GPR4: variants seen among roughly 807,000 people sequenced by gnomAD.
GPR4 encodes G-prodeshotein coupled receptor 4.
Under a neutral mutation model 17.8 loss-of-function variants are expected in GPR4, and 11 were observed. The ratio of observed to expected loss-of-function variants is 0.62; its 90% CI spans 0.39 to 1.02. The LOEUF is 1.02. GPR4 is among the 50% of genes least tolerant of loss of function. The pLI is 0.00. For missense variants in GPR4, 364 were observed against 495.4 expected (o/e 0.73, Z 2.52); for synonymous variants, 219 against 222.8 (o/e 0.98, Z 0.15).
At chr19:45,596,203 CTTTTT>C (rs56044839) in intron 1 of GPR4, among the ~76,000 whole-genome samples, 1 of 132,716 alleles carries the variant, frequency 7.5e-6, no homozygotes, top group Admixed American at 7.8e-5. Flanking sequence ...TTCTTTTCTT[CTTTTT>C]TTTTTTTTTT....
At position 45,591,732 on chromosome 19, in the gene GPR4, C is replaced by T. The variant is rs1297442316; in HGVS notation, c.135G>A (p.Gln45=). ...CGCCCAGCTCGTTGCGCTGTTGCACCTGGCGGTAGGCCGCCCACAGAGCCA... is the reference window on the plus strand; with the variant it reads ...CGCCCAGCTCGTTGCGCTGTTGCACTTGGCGGTAGGCCGCCCACAGAGCCA... ...NCLALWAAYR[Q]VQQRNELGVY... is the part of the protein sequence containing the mutation. Residue 45 remains glutamine (Q), a synonymous_variant, in exon 2 of 2, where the codon CAG becomes CAA. Transcript: ENST00000323040. This position sits in a 1 kb window ranked among gnomAD's most constrained non-coding sequence, Gnocchi z 7.6. 1.2e-6 allele frequency: 2 copies of T among 1,613,898 alleles called. No individual in the cohort carries two copies. The highest frequency in any genetic ancestry group is 8.5e-7 in the Non-Finnish European group (1 of 1,179,982).
intron 1 of GPR4, among the ~76,000 whole-genome samples, chr19:45,597,445 G>A (rs1600024507): frequency 6.6e-6 from 1 of 152,006 alleles, no homozygotes; most frequent in Non-Finnish European, 1.5e-5. Flanking sequence ...ACTCTCCCCT[G>A]CCCCAGGACC....
intron 1 of GPR4, among the ~76,000 whole-genome samples, chr19:45,600,134 G>C (rs1451045568): frequency 1.3e-5 from 2 of 152,220 alleles, no homozygotes; most frequent in Admixed American, 1.3e-4. Context: ...GGAGGGAAGA[G>C]AGGGGCGTGT....
intron 1 of GPR4, among the ~76,000 whole-genome samples, chr19:45,599,495 G>A (rs1023063736): frequency 7.3e-5 from 11 of 150,506 alleles, no homozygotes; most frequent in Admixed American, 5.3e-4. Flanking sequence ...CATTAGGGAC[G>A]AAATGTGATC....
Position 45,591,357 on chromosome 19 carries a change from C to T in GPR4, c.510G>A (p.Glu170=). ...RDRYNHTFCF[E]KFPMEGWVAW... ...CCACCCAGCCTTCCATGGGGAACTT[C>T]TCAAAGCAGAAGGTGTGGTTGTAGC... Residue 170 remains glutamate (E), a synonymous_variant, in exon 2 of 2, where the codon GAG becomes GAA. Transcript: ENST00000323040. The surrounding 1 kb of genome is among the most constrained non-coding windows in gnomAD (Gnocchi z 7.6). 1 of 1,613,392 alleles carries T rather than the reference C, an allele frequency of 6.2e-7. No homozygotes were observed. Among genetic ancestry groups the T allele is most frequent in the Non-Finnish European group, 8.5e-7 (1 of 1,179,944 alleles).
At chr19:45,594,680 C>T (rs1970039154) in intron 1 of GPR4, among the ~76,000 whole-genome samples, 1 of 152,156 alleles carries the variant, frequency 6.6e-6, no homozygotes, top group South Asian at 2.1e-4. Flanking sequence ...GCTTCAGTTT[C>T]CACCCCAGAA....
rs368199666 is a variant in GPR4 at position 45,597,745 on chromosome 19, G to A, written c.-832+4350C>T. On this transcript the variant is annotated intron_variant, in intron 1 of 1. Coordinates refer to ENST00000323040, the MANE Select transcript of GPR4 (RefSeq NM_005282.3). ...CCACCCCAGGCTCAAACAAGGGCAT[G>A]GGGAGGAGGGGGAAGGGAGGGAGAG... Among the ~76,000 whole-genome samples, 17 of 152,000 alleles carry A rather than the reference G, an allele frequency of 1.1e-4. No individual in the cohort carries two copies. In the East Asian group the frequency reaches 2.1e-3, roughly 19 times the overall value.
intron 1 of GPR4, among the ~76,000 whole-genome samples, chr19:45,594,063 A>AAAATAT (rs1376607021): frequency 2.5e-4 from 9 of 36,242 alleles, no homozygotes; most frequent in East Asian, 6.3e-4. Context: ...AAAAAAAAAA[A>AAAATAT]ATATATATAT....
chr19:45,590,123 C>G lies in GPR4; in HGVS notation c.*655G>C, dbSNP rs1969973786. ...CAGGGGCTTTGCAAACATAATGACT[C>G]TATATCGGCTGCATTTCTCCTTCCA... On this transcript the variant is annotated 3_prime_UTR_variant, in exon 2 of 2. Coordinates refer to ENST00000323040, the MANE Select transcript of GPR4 (RefSeq NM_005282.3). The G allele has an allele frequency of 6.6e-6, 1 of 152,084 alleles. No individual in the cohort carries two copies. The highest frequency in any genetic ancestry group is 2.4e-5 in the African/African-American group (1 of 41,386). 9.4% of individuals were successfully genotyped at this position (152,084 alleles called of 1,614,324 possible).
intron 1 of GPR4, among the ~76,000 whole-genome samples, chr19:45,594,066 ATATAT>A (rs1568417203): frequency 0.014 from 472 of 32,564 alleles, 11 homozygotes; most frequent in Admixed American, 0.068. Context: ...AAAAAAAAAT[ATATAT>A]ATATATATAT....
At chr19:45,594,074 A>ATTTTT (rs1204864132) in intron 1 of GPR4, among the ~76,000 whole-genome samples, 1 of 83,800 alleles carries the variant, frequency 1.2e-5, no homozygotes, top group African/African-American at 8.2e-5. Context: ...ATATATATAT[A>ATTTTT]TATATATATA....
At chr19:45,593,212 A>AC (rs1970016679) in intron 1 of GPR4, among the ~76,000 whole-genome samples, 1 of 150,262 alleles carries the variant, frequency 6.7e-6, no homozygotes, top group African/African-American at 2.5e-5. Flanking sequence ...AAAAAAAAAA[A>AC]AAAAAAGGTA....
intron 1 of GPR4, among the ~76,000 whole-genome samples, chr19:45,593,951 C>T (rs1397239268): frequency 1.3e-5 from 2 of 148,886 alleles, no homozygotes; most frequent in African/African-American, 5.0e-5. Context: ...ACGATCACAG[C>T]TCACAGCAGC....
Position 45,592,588 on chromosome 19 carries a change from A to C in GPR4, c.-722T>G, listed in dbSNP as rs967428725. On this transcript the variant is annotated 5_prime_UTR_variant, in exon 2 of 2. Transcript: ENST00000323040. ...GTGAGTAAGGTCTAGATCAGAGGTA[A>C]GTTTGGGGACGGAAGGGAAATTTCA... 2 of 167,204 alleles carry C rather than the reference A, an allele frequency of 1.2e-5. No individual in the cohort carries two copies. Among genetic ancestry groups the C allele is most frequent in the African/African-American group, 2.4e-5 (1 of 41,378 alleles). The allele number at this position is 167,204 out of a possible 1,614,324, so 10.4% of individuals were successfully genotyped here.
intron 1 of GPR4, among the ~76,000 whole-genome samples, chr19:45,599,179 G>T (rs1015634677): frequency 6.6e-6 from 1 of 152,146 alleles, no homozygotes; most frequent in African/African-American, 2.4e-5. Context: ...GAGAGATGGT[G>T]GGGGGACAGG....
intron 1 of GPR4, among the ~76,000 whole-genome samples, chr19:45,596,146 G>T (rs888190529): frequency 6.6e-6 from 1 of 151,930 alleles, no homozygotes; most frequent in African/African-American, 2.4e-5. Flanking sequence ...GGCTACTCTG[G>T]CTTCCTTCAA....
At chr19:45,594,061 AAAATAT>A (rs71173185) in intron 1 of GPR4, among the ~76,000 whole-genome samples, 5,597 of 39,406 alleles carry the variant, frequency 0.14, 232 homozygotes, top group Middle Eastern at 0.22. Flanking sequence ...AAAAAAAAAA[AAAATAT>A]ATATATATAT....
In GPR4 at chr19:45,599,440, G is replaced by A. The variant is rs532052457; in HGVS notation, c.-832+2655C>T. Among the ~76,000 whole-genome samples the A allele has an allele frequency of 1.4e-3, 78 of 55,892 alleles. No individual in the cohort carries two copies. The South Asian group carries it at 0.032, about 23-fold the overall frequency. 36.7% of individuals were successfully genotyped at this position (55,892 alleles called of 152,430 possible). A position where few individuals can be genotyped will look rare whatever the true frequency, so the allele number is the denominator to read the frequency against. On this transcript the variant is annotated intron_variant, in intron 1 of 1. Coordinates refer to ENST00000323040, the MANE Select transcript of GPR4 (RefSeq NM_005282.3). ...CTGCTCCCACCACCCCCCCCTCCCCGCCTTCTCCCTGCAGCCCCAAGGGAC... is the reference window on the plus strand; with the variant it reads ...CTGCTCCCACCACCCCCCCCTCCCCACCTTCTCCCTGCAGCCCCAAGGGAC...
intron 1 of GPR4, among the ~76,000 whole-genome samples, chr19:45,600,671 T>C (rs1057425057): frequency 1.3e-5 from 2 of 152,178 alleles, no homozygotes; most frequent in Non-Finnish European, 2.9e-5. Context: ...TGACTCACTG[T>C]GGGGACTTCT....
Sources: gnomAD v4.1 joint callset for allele counts (sites outside exome capture counted in the v4.1 genomes callset) on GRCh38, gnomAD v4.1.1 for gene constraint, Gnocchi (gnomAD v3.1) non-coding constraint, MANE v1.5 for transcripts, NCBI Gene and HGNC (gene_info 2026-07-23, HGNC 2026-07-21) for gene names.